RNF38: variants seen among roughly 807,000 people sequenced by gnomAD.
RNF38 encodes the protein E3 ubiquitin-protein ligase RNF38.
RNF38 carries 15 observed loss-of-function variants against 67.2 expected under a neutral mutation model. The observed-to-expected ratio is 0.22, with a 90% CI of 0.15 to 0.34. RNF38 has a LOEUF of 0.34. RNF38 is among the 10% of genes least tolerant of loss of function. RNF38 has a pLI of 1.00. For synonymous variants in RNF38, 220 were observed against 218.8 expected, an observed-to-expected ratio of 1.01 and a Z score of -0.05; for missense variants, 524 against 639.9, an observed-to-expected ratio of 0.82 and a Z score of 1.95.
intron 9 of RNF38, among the ~76,000 whole-genome samples, chr9:36,349,754 G>C (rs931162696): frequency 6.6e-6 from 1 of 151,960 alleles, no homozygotes; most frequent in African/African-American, 2.4e-5. Flanking sequence ...ATCATTTCAG[G>C]TAGTAAGTTT....
At chr9:36,345,947 TA>T (rs1833196452) in intron 9 of RNF38, among the ~76,000 whole-genome samples, 1 of 152,186 alleles carries the variant, frequency 6.6e-6, no homozygotes, top group African/African-American at 2.4e-5. Context: ...TGAATACTTA[TA>T]CCATAAGACC....
At chr9:36,391,233 TG>T (rs1053551176) in intron 1 of RNF38, among the ~76,000 whole-genome samples, 9 of 152,178 alleles carry the variant, frequency 5.9e-5, no homozygotes, top group Non-Finnish European at 1.2e-4. Flanking sequence ...ATTTGGCCAA[TG>T]CAGTGGTCAC....
intron 1 of RNF38, among the ~76,000 whole-genome samples, chr9:36,477,738 C>T (rs1361195063): frequency 2.0e-5 from 3 of 148,340 alleles, no homozygotes; most frequent in Non-Finnish European, 3.0e-5. Flanking sequence ...AGGAGAATGG[C>T]GTGAACCTGG....
At chr9:36,431,136 G>A (rs1838923821) in intron 1 of RNF38, among the ~76,000 whole-genome samples, 1 of 152,140 alleles carries the variant, frequency 6.6e-6, no homozygotes, top group Admixed American at 6.5e-5. Context: ...CCCTTCTTCT[G>A]ATTCAATAAT....
intron 1 of RNF38, among the ~76,000 whole-genome samples, chr9:36,471,125 T>C (rs1839988335): frequency 6.6e-6 from 1 of 152,232 alleles, no homozygotes. Flanking sequence ...TTCTAGCTCC[T>C]ACCAGGCTTC....
At chr9:36,473,004 T>C (rs1407608275) in intron 1 of RNF38, among the ~76,000 whole-genome samples, 1 of 152,028 alleles carries the variant, frequency 6.6e-6, no homozygotes, top group Non-Finnish European at 1.5e-5. Flanking sequence ...TAGTGGCACA[T>C]GCCTTTAATC....
At chr9:36,358,636 C>T (rs2133596988) in intron 4 of RNF38, among the ~76,000 whole-genome samples, 1 of 152,332 alleles carries the variant, frequency 6.6e-6, no homozygotes. Context: ...TTGCTTAACA[C>T]AGTCCTATCA....
intron 4 of RNF38, among the ~76,000 whole-genome samples, chr9:36,367,340 C>A (rs141306864): frequency 6.6e-6 from 1 of 152,134 alleles, no homozygotes; most frequent in Admixed American, 6.5e-5. Context: ...CTTCCTACCA[C>A]GTATTGAAAA....
intron 4 of RNF38, among the ~76,000 whole-genome samples, chr9:36,360,183 T>G (rs1198546743): frequency 6.6e-6 from 1 of 152,188 alleles, no homozygotes; most frequent in Non-Finnish European, 1.5e-5. Flanking sequence ...TTCAAAAAGA[T>G]TATTAAATTT....
At chr9:36,426,134 A>G (rs1247178235) in intron 1 of RNF38, among the ~76,000 whole-genome samples, 1 of 152,246 alleles carries the variant, frequency 6.6e-6, no homozygotes, top group Non-Finnish European at 1.5e-5. Flanking sequence ...TAGAGCAGAA[A>G]ATTCTCTTTC....
intron 2 of RNF38, among the ~76,000 whole-genome samples, chr9:36,414,689 A>G (rs1838415432): frequency 6.9e-6 from 1 of 145,714 alleles, no homozygotes; most frequent in Admixed American, 6.9e-5. Flanking sequence ...TCTGTCTCCA[A>G]AAAAAAAAAA....
intron 4 of RNF38, among the ~76,000 whole-genome samples, chr9:36,359,894 G>C (rs1009322055): frequency 2.0e-5 from 3 of 149,862 alleles, no homozygotes; most frequent in Admixed American, 1.3e-4. Flanking sequence ...GACTACAGGC[G>C]TGTGCCACTA....
chr9:36,362,121 C>T (rs1159708729), intron 4 of RNF38, among the ~76,000 whole-genome samples: 1 of 152,104 alleles, frequency 6.6e-6, no homozygotes, highest in Non-Finnish European at 1.5e-5. Context: ...CTTTGGGAGG[C>T]TGAGGTGGGT....
intron 4 of RNF38, among the ~76,000 whole-genome samples, chr9:36,360,862 G>A (rs912480650): frequency 4.6e-5 from 7 of 151,982 alleles, no homozygotes; most frequent in African/African-American, 7.3e-5. Flanking sequence ...CAACAATGGA[G>A]TGCAGTGGTG....
At chr9:36,452,573 G>A (rs1254559408) in intron 1 of RNF38, among the ~76,000 whole-genome samples, 2 of 146,776 alleles carry the variant, frequency 1.4e-5, no homozygotes, top group African/African-American at 5.1e-5. Flanking sequence ...TCACTCTGTT[G>A]CCCAGGCTGC....
chr9:36,393,088 T>C (rs1837234445), intron 1 of RNF38, among the ~76,000 whole-genome samples: 3 of 152,226 alleles, frequency 2.0e-5, no homozygotes, highest in Admixed American at 2.0e-4. Context: ...GTATCCTTTG[T>C]AGCGTGTTAT....
intron 1 of RNF38, among the ~76,000 whole-genome samples, chr9:36,483,763 G>A (rs1840336275): frequency 6.6e-6 from 1 of 152,088 alleles, no homozygotes. Flanking sequence ...TTTACCTTTG[G>A]GGGTTTTACT....
intron 1 of RNF38, among the ~76,000 whole-genome samples, chr9:36,446,501 TTTA>T (rs755267684): frequency 3.3e-5 from 5 of 152,156 alleles, no homozygotes; most frequent in Non-Finnish European, 4.4e-5. Flanking sequence ...CTGAAAACAC[TTTA>T]TTAAGTTGAA....
chr9:36,398,299 TG>T (rs1837700945), intron 1 of RNF38, among the ~76,000 whole-genome samples: 1 of 152,096 alleles, frequency 6.6e-6, no homozygotes, highest in South Asian at 2.1e-4. Flanking sequence ...GCAGGCTCCA[TG>T]GCAAACACCT....
Sources: gnomAD v4.1 joint callset for allele counts (sites outside exome capture counted in the v4.1 genomes callset) on GRCh38, gnomAD v4.1.1 for gene constraint, MANE v1.5 for transcripts, NCBI Gene and HGNC (gene_info 2026-07-23, HGNC 2026-07-21) for gene names.